Variants in DLG2 observed in about 807,000 individuals in gnomAD.
DLG2 encodes discs large MAGUK scaffold protein 2.
DLG2 carries 45 observed loss-of-function variants against 132.5 expected under a neutral mutation model. The ratio of observed to expected loss-of-function variants is 0.34; its 90% CI spans 0.27 to 0.44. The LOEUF is 0.44. DLG2 is among the 20% of genes least tolerant of loss of function. The pLI, the probability that DLG2 is intolerant of heterozygous loss-of-function variation, is 1.00. For missense variants in DLG2, 1,045 were observed against 1,196.9 expected (o/e 0.87, Z 1.87); for synonymous variants, 424 against 419.6 (o/e 1.01, Z -0.13).
intron 18 of DLG2, among the ~76,000 whole-genome samples, chr11:83,651,148 C>A (rs2070224968): frequency 6.6e-6 from 1 of 151,996 alleles, no homozygotes; most frequent in Admixed American, 6.6e-5. Flanking sequence ...ATACTCAGCT[C>A]TTAGTACAAG....
intron 16 of DLG2, among the ~76,000 whole-genome samples, chr11:83,865,780 G>A (rs1012772822): frequency 2.2e-4 from 33 of 152,128 alleles, no homozygotes; most frequent in African/African-American, 7.7e-4. Flanking sequence ...TGATAAGCAA[G>A]TGGAAGACCC....
intron 3 of DLG2, among the ~76,000 whole-genome samples, chr11:85,426,839 A>G (rs1358701209): frequency 3.3e-5 from 5 of 152,210 alleles, no homozygotes; most frequent in Admixed American, 2.6e-4. Flanking sequence ...GAGCTAAAGG[A>G]GGAAGTTCAA....
chr11:84,929,765 G>A (rs1421641552), intron 6 of DLG2, among the ~76,000 whole-genome samples: 4 of 152,072 alleles, frequency 2.6e-5, no homozygotes, highest in East Asian at 1.9e-4. Context: ...CCAGGCTCAG[G>A]AAATTTTATC....
intron 3 of DLG2, among the ~76,000 whole-genome samples, chr11:85,423,592 C>T (rs559196466): frequency 3.3e-5 from 5 of 152,114 alleles, no homozygotes; most frequent in Non-Finnish European, 5.9e-5. Context: ...TCTCCTTGGG[C>T]GGGTCTTGCT....
chr11:85,256,227 G>A (rs1565223300), intron 4 of DLG2, among the ~76,000 whole-genome samples: 1 of 152,162 alleles, frequency 6.6e-6, no homozygotes, highest in Non-Finnish European at 1.5e-5. Flanking sequence ...AAGACCAGAA[G>A]AGAAGGAGTG....
chr11:85,021,272 C>G (rs2060042298), intron 6 of DLG2: 1 of 1,297,712 alleles, frequency 7.7e-7, no homozygotes, highest in African/African-American at 1.5e-5. Flanking sequence ...GGTACACGTG[C>G]TGGGTGACTG....
At chr11:85,579,199 C>T (rs2078353203) in intron 3 of DLG2, among the ~76,000 whole-genome samples, 1 of 151,922 alleles carries the variant, frequency 6.6e-6, no homozygotes, top group South Asian at 2.1e-4. Context: ...CACATGGATA[C>T]ATAGAGGGAA....
intron 6 of DLG2, among the ~76,000 whole-genome samples, chr11:84,785,647 C>T (rs938538193): frequency 2.6e-5 from 4 of 151,904 alleles, no homozygotes; most frequent in Non-Finnish European, 4.4e-5. Flanking sequence ...CCTATTGATT[C>T]GTTTTCAAAA....
chr11:84,385,057 A>G (rs563184782), intron 7 of DLG2, among the ~76,000 whole-genome samples: 1 of 152,230 alleles, frequency 6.6e-6, no homozygotes, highest in East Asian at 1.9e-4. Context: ...CTTTGTTGGC[A>G]TAACTCCCAA....
chr11:83,930,366 G>C lies in DLG2; in HGVS notation c.1458C>G (p.His486Gln), dbSNP rs764218987. Residue 486 changes from histidine (H) to glutamine (Q), a missense_variant, in exon 15 of 28, where the codon CAC becomes CAG. This residue lies in a region of DLG2 where 261 missense variants were observed against 256.1 expected (regional missense o/e 1.02). Coordinates refer to ENST00000376104, the MANE Select transcript of DLG2 (RefSeq NM_001142699.3). The stretch of plus-strand genomic sequence containing the variant: ...AGTCAGGTAGCAGGCCTAGGTGGTA[G>C]TGGGAATAGGGAGCTGAGAGGAGGA... ...KSFLLSAPYS[H>Q]YHLGLLPDSE... The C allele has an allele frequency of 6.2e-7, 1 of 1,614,114 alleles. No individual in the cohort carries two copies. The highest frequency in any genetic ancestry group is 8.5e-7 in the Non-Finnish European group (1 of 1,179,954).
chr11:84,407,971 C>T (rs924278955), intron 7 of DLG2, among the ~76,000 whole-genome samples: 1 of 152,092 alleles, frequency 6.6e-6, no homozygotes, highest in Non-Finnish European at 1.5e-5. Context: ...ATAGCCAGCA[C>T]CTTTACAAGT....
At position 85,346,561 on chromosome 11, in the gene DLG2, C is replaced by A. The variant is rs1001581459; in HGVS notation, c.41-61196G>T. On this transcript the variant is annotated intron_variant, in intron 3 of 27. Coordinates refer to ENST00000376104, the MANE Select transcript of DLG2 (RefSeq NM_001142699.3). Reference sequence around the variant, plus strand: ...AAGCAAAATTAAGAATGCCTTTGTTCTCCAGAAATCAGAATACGTAGACAC... The same window carrying A: ...AAGCAAAATTAAGAATGCCTTTGTTATCCAGAAATCAGAATACGTAGACAC... Among the ~76,000 whole-genome samples the A allele has an allele frequency of 2.0e-5, 3 of 152,220 alleles. No homozygotes were observed. In the South Asian group the frequency reaches 6.2e-4, roughly 32 times the overall value.
intron 7 of DLG2, among the ~76,000 whole-genome samples, chr11:84,474,248 T>C (rs2099115945): frequency 6.6e-6 from 1 of 152,084 alleles, no homozygotes; most frequent in Non-Finnish European, 1.5e-5. Flanking sequence ...ATGTGTTCCT[T>C]CATTGCTGCA....
intron 4 of DLG2, among the ~76,000 whole-genome samples, chr11:85,170,925 G>T (rs1196588134): frequency 6.7e-6 from 1 of 148,902 alleles, no homozygotes; most frequent in Non-Finnish European, 1.5e-5. Context: ...CCACAAATAA[G>T]GCATAACAAA....
intron 3 of DLG2, chr11:85,452,905 CA>C (rs2092297908): frequency 4.8e-6 from 1 of 208,832 alleles, no homozygotes. Flanking sequence ...TTCTTGAAGG[CA>C]AAGAGAAGCA....
chr11:83,957,512 CT>C, intron 14 of DLG2, among the ~76,000 whole-genome samples: 1 of 150,994 alleles, frequency 6.6e-6, no homozygotes, highest in African/African-American at 2.4e-5. Flanking sequence ...TCTTTTCCCT[CT>C]TTTTTTCCAG....
chr11:84,257,440 A>G (rs1016059415), intron 7 of DLG2, among the ~76,000 whole-genome samples: 1 of 152,324 alleles, frequency 6.6e-6, no homozygotes, highest in East Asian at 1.9e-4. Context: ...GATAATAATA[A>G]GTGTATGTAC....
At chr11:83,944,824 C>T (rs2083434400) in intron 14 of DLG2, among the ~76,000 whole-genome samples, 2 of 152,214 alleles carry the variant, frequency 1.3e-5, no homozygotes, top group South Asian at 4.1e-4. Context: ...ATCTTGAGGT[C>T]AGCCCAGAAT....
At chr11:85,435,268 G>A (rs1018654346) in intron 3 of DLG2, among the ~76,000 whole-genome samples, 1 of 152,174 alleles carries the variant, frequency 6.6e-6, no homozygotes, top group African/African-American at 2.4e-5. Flanking sequence ...AGACAAGGAT[G>A]CCCTTTCTCA....
Sources: gnomAD v4.1 joint callset for allele counts (sites outside exome capture counted in the v4.1 genomes callset) on GRCh38, gnomAD v4.1.1 for gene constraint, gnomAD v4.1.1 regional missense constraint, MANE v1.5 for transcripts, NCBI Gene and HGNC (gene_info 2026-07-23, HGNC 2026-07-21) for gene names.